TAOK1: variants seen among roughly 807,000 people sequenced by gnomAD.
TAOK1 encodes TAO kinase 1.
Under a neutral mutation model 138.3 loss-of-function variants are expected in TAOK1, and 21 were observed. That is an observed-to-expected ratio of 0.15 (90% confidence interval 0.11 to 0.22). TAOK1 has a LOEUF of 0.22. Ranked by LOEUF, TAOK1 falls within the 10% of genes least tolerant of loss-of-function variation. TAOK1 has a pLI of 1.00. For synonymous variants in TAOK1, 361 were observed against 398.4 expected (o/e 0.91, Z 1.12); for missense variants, 651 against 1,227.7 (o/e 0.53, Z 7.02).
rs376955815 is a variant in TAOK1 at position 29,498,283 on chromosome 17, A to G, written c.1000-35A>G. 5 of 1,606,280 alleles carry G rather than the reference A, an allele frequency of 3.1e-6. No homozygotes were observed. The African/African-American group carries it at 6.7e-5, about 21-fold the overall frequency. On this transcript the variant is annotated intron_variant, in intron 11 of 19. Transcript: ENST00000261716. ...ATTCAGAAGAGAGAGATATATATTAATATTTGAACTGAACTGAATGTCCTT... is the reference window on the plus strand; with the variant it reads ...ATTCAGAAGAGAGAGATATATATTAGTATTTGAACTGAACTGAATGTCCTT...
intron 1 of TAOK1, among the ~76,000 whole-genome samples, chr17:29,405,283 C>T (rs1216051043): frequency 2.6e-5 from 4 of 152,152 alleles, no homozygotes; most frequent in Non-Finnish European, 4.4e-5. Context: ...CCACCTTGCC[C>T]TGCTGAAACA....
At chr17:29,431,824 T>TC (rs1905842031) in intron 1 of TAOK1, among the ~76,000 whole-genome samples, 4 of 148,260 alleles carry the variant, frequency 2.7e-5, no homozygotes, top group African/African-American at 1.0e-4. Flanking sequence ...TTTTTTTTTT[T>TC]GAGATGGAGT....
At position 29,549,747 on chromosome 17, in the gene TAOK1, TACC is replaced by T. The variant is rs2150783174; in HGVS notation, c.*6727_*6729del. 1 of 152,318 alleles carries T rather than the reference TACC, an allele frequency of 6.6e-6. No individual in the cohort carries two copies. Among genetic ancestry groups the T allele is most frequent in the African/African-American group, 2.4e-5 (1 of 41,572 alleles). The allele number at this position is 152,318 out of a possible 1,614,324, so 9.4% of individuals were successfully genotyped here. A position where few individuals can be genotyped will look rare whatever the true frequency, so the allele number is the denominator to read the frequency against. ...GTCATAGACAAGTTTATATATAACTTACCAAGATGTTGGCTGTCCTGGTGTATT... is the reference window on the plus strand; with the variant it reads ...GTCATAGACAAGTTTATATATAACTTAAGATGTTGGCTGTCCTGGTGTATT... On this transcript the variant is annotated 3_prime_UTR_variant, in exon 20 of 20. Coordinates refer to ENST00000261716, the MANE Select transcript of TAOK1 (RefSeq NM_020791.4).
At chr17:29,447,057 G>A (rs765038343) in intron 1 of TAOK1, among the ~76,000 whole-genome samples, 12 of 145,858 alleles carry the variant, frequency 8.2e-5, no homozygotes, top group Non-Finnish European at 1.8e-4. Flanking sequence ...TTTTTTTTAA[G>A]GGAAGAGGTC....
intron 8 of TAOK1, among the ~76,000 whole-genome samples, chr17:29,486,189 T>C (rs930547109): frequency 6.6e-6 from 1 of 152,010 alleles, no homozygotes; most frequent in Non-Finnish European, 1.5e-5. Context: ...CTTTGGGGGC[T>C]GAGGTGAGAG....
At chr17:29,452,217 A>AAAAT (rs947602615) in intron 2 of TAOK1, among the ~76,000 whole-genome samples, 44 of 152,254 alleles carry the variant, frequency 2.9e-4, no homozygotes, top group Admixed American at 7.9e-4. Flanking sequence ...CCTGTCACAA[A>AAAAT]AAATAAATAA....
chr17:29,504,078 T>C (rs1242802342), intron 13 of TAOK1, among the ~76,000 whole-genome samples: 21 of 148,130 alleles, frequency 1.4e-4, no homozygotes, highest in Admixed American at 1.4e-3. Context: ...CCCTCTGCAC[T>C]CCAGCCTGGG....
At chr17:29,533,966 A>T (rs936443095) in intron 18 of TAOK1, 152 bp from the exon 19 acceptor site, 19 of 667,144 alleles carry the variant, frequency 2.8e-5, no homozygotes, top group Admixed American at 4.0e-5. Context: ...TCTTTTTCAG[A>T]GATGTTTACT....
intron 12 of TAOK1, among the ~76,000 whole-genome samples, chr17:29,499,658 C>G (rs2031488787): frequency 6.7e-6 from 1 of 148,950 alleles, no homozygotes. Flanking sequence ...CTCCTGTGTT[C>G]AAGCAATTCT....
At chr17:29,526,493 G>A (rs2032011237) in intron 17 of TAOK1, among the ~76,000 whole-genome samples, 1 of 151,990 alleles carries the variant, frequency 6.6e-6, no homozygotes, top group Admixed American at 6.6e-5. Flanking sequence ...TCGGCTCACT[G>A]CAACCTCTGC....
intron 15 of TAOK1, chr17:29,511,879 CT>C (rs1381469414): frequency 6.6e-6 from 1 of 151,998 alleles, no homozygotes; most frequent in East Asian, 1.9e-4. Flanking sequence ...ACAATAATGT[CT>C]TACTTTTGGA....
intron 1 of TAOK1, among the ~76,000 whole-genome samples, chr17:29,432,159 A>G (rs1905860104): frequency 6.6e-6 from 1 of 152,204 alleles, no homozygotes; most frequent in South Asian, 2.1e-4. Flanking sequence ...ACAGAGTTTT[A>G]CCCACATATT....
intron 18 of TAOK1, among the ~76,000 whole-genome samples, chr17:29,532,006 G>T (rs1045945613): frequency 1.3e-5 from 2 of 151,854 alleles, no homozygotes; most frequent in Non-Finnish European, 2.9e-5. Context: ...GACTACAGGC[G>T]CATGCCACCA....
At position 29,549,784 on chromosome 17, in the gene TAOK1, G is replaced by C. The variant is rs2032460598; in HGVS notation, c.*6762G>C. On this transcript the variant is annotated 3_prime_UTR_variant, in exon 20 of 20. Transcript: ENST00000261716. Reference sequence around the variant, plus strand: ...GGCTGTCCTGGTGTATTGCCAGACAGCTCTCTTTTGGTTCCCATTCCAAAT... The same window carrying C: ...GGCTGTCCTGGTGTATTGCCAGACACCTCTCTTTTGGTTCCCATTCCAAAT... 2 of 152,138 alleles carry C rather than the reference G, an allele frequency of 1.3e-5. No homozygotes were observed. The highest frequency in any genetic ancestry group is 6.5e-5 in the Admixed American group (1 of 15,270). 9.4% of individuals were successfully genotyped at this position (152,138 alleles called of 1,614,324 possible). A position where few individuals can be genotyped will look rare whatever the true frequency, so the allele number is the denominator to read the frequency against.
chr17:29,474,826 G>A (rs978724856), intron 3 of TAOK1, among the ~76,000 whole-genome samples: 4 of 146,648 alleles, frequency 2.7e-5, no homozygotes, highest in African/African-American at 5.2e-5. Context: ...CTTTGACACA[G>A]GATTGCTACA....
chr17:29,523,661 C>T (rs1326338918), intron 17 of TAOK1, among the ~76,000 whole-genome samples: 1 of 152,196 alleles, frequency 6.6e-6, no homozygotes, highest in East Asian at 1.9e-4. Context: ...GCTGGGATTA[C>T]AGGCATGAAC....
rs117415226 is a variant in TAOK1, at chr17:29,465,731, A to C, written c.133-1414A>C. Among the ~76,000 whole-genome samples, 18 of 151,738 alleles carry C rather than the reference A, an allele frequency of 1.2e-4. No homozygotes were observed. In the East Asian group the frequency reaches 3.3e-3, roughly 28 times the overall value. ...TAACCCTTTTATTAAACTCATTTTA[A>C]ATATTTCACAGCTATTGCCTTGTAC... On this transcript the variant is annotated intron_variant, in intron 2 of 19. Coordinates refer to ENST00000261716, the MANE Select transcript of TAOK1 (RefSeq NM_020791.4).
chr17:29,475,847 C>T (rs2030931844), intron 4 of TAOK1, 76 bp downstream of exon 4: 5 of 1,107,818 alleles, frequency 4.5e-6, no homozygotes, highest in Non-Finnish European at 6.8e-6. Flanking sequence ...ATATCTCATA[C>T]TGGTTGTGTA....
At chr17:29,517,128 G>A (rs535461876) in intron 15 of TAOK1, among the ~76,000 whole-genome samples, 196 of 151,906 alleles carry the variant, frequency 1.3e-3, no homozygotes, top group Middle Eastern at 6.8e-3. Context: ...CTGGGACTAC[G>A]GGCACCCGCC....
Sources: allele counts gnomAD v4.1 joint callset (sites outside exome capture counted in the v4.1 genomes callset), GRCh38; gene constraint gnomAD v4.1.1; transcripts MANE v1.5; gene names NCBI Gene and HGNC (gene_info 2026-07-23, HGNC 2026-07-21).